AP2B1: variants seen among roughly 807,000 people sequenced by gnomAD.
AP2B1 encodes adaptor related protein complex 2 subunit beta 1.
A neutral mutation model predicts 102.0 loss-of-function variants in AP2B1; 23 were observed. The ratio of observed to expected loss-of-function variants is 0.23; its 90% CI spans 0.16 to 0.32. The LOEUF is 0.32. Ranked by LOEUF, AP2B1 falls within the 10% of genes least tolerant of loss-of-function variation. AP2B1 has a pLI of 1.00. For missense variants in AP2B1, 541 were observed against 1,157.4 expected, an observed-to-expected ratio of 0.47 and a Z score of 7.73; for synonymous variants, 381 against 421.2, an observed-to-expected ratio of 0.90 and a Z score of 1.17.
intron 18 of AP2B1, among the ~76,000 whole-genome samples, chr17:35,694,628 A>C (rs587736312): frequency 1.3e-5 from 2 of 152,182 alleles, no homozygotes; most frequent in East Asian, 1.9e-4. Flanking sequence ...GTAATCCCAG[A>C]ACTTTGGGAG....
chr17:35,671,224 G>A (rs1044874465), intron 15 of AP2B1, among the ~76,000 whole-genome samples: 3 of 152,172 alleles, frequency 2.0e-5, no homozygotes, highest in African/African-American at 7.2e-5. Flanking sequence ...GAAAGAACTT[G>A]AGAGGGTCAG....
At chr17:35,707,930 A>G (rs979063888) in intron 18 of AP2B1, among the ~76,000 whole-genome samples, 3 of 152,258 alleles carry the variant, frequency 2.0e-5, no homozygotes, top group Admixed American at 6.5e-5. Flanking sequence ...AGCAAGGAGA[A>G]TAATTGGATG....
At chr17:35,707,219 T>C (rs1410034275) in intron 18 of AP2B1, among the ~76,000 whole-genome samples, 2 of 151,912 alleles carry the variant, frequency 1.3e-5, no homozygotes, top group African/African-American at 4.8e-5. Context: ...AGTGACACGA[T>C]TTCGGCTCAC....
intron 11 of AP2B1, among the ~76,000 whole-genome samples, 183 bp downstream of exon 11, chr17:35,639,943 G>A (rs1160569180): frequency 2.6e-5 from 4 of 152,224 alleles, no homozygotes; most frequent in African/African-American, 9.6e-5. Flanking sequence ...TCGAGACAGA[G>A]TCTCGCTTTG....
chr17:35,720,540 TTTA>T (rs2085329396), intron 21 of AP2B1, among the ~76,000 whole-genome samples: 1 of 110,884 alleles, frequency 9.0e-6, no homozygotes, highest in African/African-American at 3.6e-5. Context: ...ATATTTTTAT[TTTA>T]TTTATATATA....
At chr17:35,642,453 T>G (rs1011181996) in intron 12 of AP2B1, among the ~76,000 whole-genome samples, 1 of 152,166 alleles carries the variant, frequency 6.6e-6, no homozygotes, top group Non-Finnish European at 1.5e-5. Flanking sequence ...GAATTATTTG[T>G]TTTTTTAGGT....
intron 6 of AP2B1, among the ~76,000 whole-genome samples, 175 bp downstream of exon 6, chr17:35,624,762 T>A (rs1035180337): frequency 6.6e-6 from 1 of 152,216 alleles, no homozygotes; most frequent in African/African-American, 2.4e-5. Flanking sequence ...GAATAAACTA[T>A]GCAAAACTAT....
In AP2B1 at chr17:35,639,857, A is replaced by T. The variant is rs2074716751; in HGVS notation, c.1437+97A>T. The stretch of plus-strand genomic sequence containing the variant: ...TATAGGCAGTTTCTTCTGTGTCTGT[A>T]TTTACATATAGTATGTTCATTTTTC... On this transcript the variant is annotated intron_variant, in intron 11 of 21. Transcript: ENST00000610402. The T allele has an allele frequency of 6.6e-6, 7 of 1,055,966 alleles. No individual in the cohort carries two copies. The Admixed American group carries it at 1.7e-4, about 26-fold the overall frequency. The allele number at this position is 1,055,966 out of a possible 1,614,324, so 65.4% of individuals were successfully genotyped here. A position where few individuals can be genotyped will look rare whatever the true frequency, so the allele number is the denominator to read the frequency against.
chr17:35,673,560 T>C (rs2075636153), intron 16 of AP2B1, among the ~76,000 whole-genome samples: 1 of 152,176 alleles, frequency 6.6e-6, no homozygotes, highest in Non-Finnish European at 1.5e-5. Flanking sequence ...AAGGGGCGTG[T>C]TATGAATTAT....
At position 35,592,774 on chromosome 17, in the gene AP2B1, C is replaced by G. The variant is rs543809008; in HGVS notation, c.-23-1234C>G. Among the ~76,000 whole-genome samples, 53 of 152,276 alleles carry G rather than the reference C, an allele frequency of 3.5e-4. No individual in the cohort carries two copies. The South Asian group carries it at 0.01, about 29-fold the overall frequency. On this transcript the variant is annotated intron_variant, in intron 1 of 21. Coordinates refer to ENST00000610402, the MANE Select transcript of AP2B1 (RefSeq NM_001030006.2). ...GCGAGGCTGGTCTTGAACTCCTGAC[C>G]TCAAGTGATCCACCCGGCAGCCTCA...
intron 15 of AP2B1, among the ~76,000 whole-genome samples, chr17:35,671,407 C>T (rs1296403266): frequency 9.9e-5 from 15 of 152,172 alleles, no homozygotes; most frequent in Non-Finnish European, 8.8e-5. Context: ...ACTTCTCCCT[C>T]TTTCTATAAA....
intron 18 of AP2B1, among the ~76,000 whole-genome samples, chr17:35,703,209 G>T (rs1165821002): frequency 6.9e-6 from 1 of 144,120 alleles, no homozygotes; most frequent in African/African-American, 2.6e-5. Flanking sequence ...AGCTTGCAGT[G>T]AGCCGAGATT....
intron 18 of AP2B1, among the ~76,000 whole-genome samples, chr17:35,696,658 G>T (rs1208417207): frequency 6.6e-6 from 1 of 151,858 alleles, no homozygotes; most frequent in Non-Finnish European, 1.5e-5. Flanking sequence ...CAAAGTGCTG[G>T]GATTACAGGC....
At chr17:35,598,823 G>C (rs769969939) in intron 3 of AP2B1, among the ~76,000 whole-genome samples, 1 of 152,330 alleles carries the variant, frequency 6.6e-6, no homozygotes, top group East Asian at 1.9e-4. Flanking sequence ...TTGGAAATAA[G>C]TAAGGACTAT....
At chr17:35,618,076 A>G (rs1235597719) in intron 5 of AP2B1, among the ~76,000 whole-genome samples, 1 of 152,206 alleles carries the variant, frequency 6.6e-6, no homozygotes, top group Non-Finnish European at 1.5e-5. Flanking sequence ...AAGATGGGGA[A>G]AAAATGGAAT....
In AP2B1 at chr17:35,711,472, C is replaced by T. The variant is rs587644396; in HGVS notation, c.2626+1152C>T. On this transcript the variant is annotated intron_variant, in intron 20 of 21. Transcript: ENST00000610402. ...GCCTTCTCATTCCAGCTTCCCCCAC[C>T]CCACTCCCCGGCCCAAGATGGAGTC... 2.2e-4 allele frequency among the ~76,000 whole-genome samples: 33 copies of T among 148,264 alleles called. No homozygotes were observed. The South Asian group carries it at 6.6e-3, about 30-fold the overall frequency.
intron 4 of AP2B1, among the ~76,000 whole-genome samples, chr17:35,606,959 G>A (rs1276642099): frequency 6.6e-6 from 1 of 150,444 alleles, no homozygotes; most frequent in East Asian, 2.0e-4. Flanking sequence ...GGGCTGGAGT[G>A]CAATGGCGCA....
intron 3 of AP2B1, among the ~76,000 whole-genome samples, chr17:35,599,466 A>G (rs2073404376): frequency 6.6e-6 from 1 of 152,240 alleles, no homozygotes; most frequent in Non-Finnish European, 1.5e-5. Flanking sequence ...TTTTCTGAGG[A>G]GATTGGTGGT....
chr17:35,636,965 T>C (rs2074624558), intron 10 of AP2B1, among the ~76,000 whole-genome samples: 1 of 152,234 alleles, frequency 6.6e-6, no homozygotes, highest in Non-Finnish European at 1.5e-5. Context: ...ATTATCAGTC[T>C]CATGCCTTTT....
Sources: gnomAD v4.1 joint callset for allele counts (sites outside exome capture counted in the v4.1 genomes callset) on GRCh38, gnomAD v4.1.1 for gene constraint, MANE v1.5 for transcripts, NCBI Gene and HGNC (gene_info 2026-07-23, HGNC 2026-07-21) for gene names.